CACNA1D: variants seen among roughly 807,000 people sequenced by gnomAD.
CACNA1D encodes the protein voltage-dependent L-type calcium channel subunit alpha-1D.
A neutral mutation model predicts 257.1 loss-of-function variants in CACNA1D; 55 were observed. The observed-to-expected ratio is 0.21, with a 90% CI of 0.17 to 0.27. CACNA1D has a LOEUF of 0.27. Ranked by LOEUF, CACNA1D falls within the 10% of genes least tolerant of loss-of-function variation. The pLI, the probability that CACNA1D is intolerant of heterozygous loss-of-function variation, is 1.00. For synonymous variants in CACNA1D, 980 were observed against 1,014.9 expected, an observed-to-expected ratio of 0.97 and a Z score of 0.65; for missense variants, 1,876 against 2,784.0, an observed-to-expected ratio of 0.67 and a Z score of 7.34.
Position 53,643,020 on chromosome 3 carries a change from T to A in CACNA1D, c.484-7759T>A, listed in dbSNP as rs2093978835. Among the ~76,000 whole-genome samples, 3 of 152,342 alleles carry A rather than the reference T, an allele frequency of 2.0e-5. No homozygotes were observed. The South Asian group carries it at 6.2e-4, about 32-fold the overall frequency. On this transcript the variant is annotated intron_variant, in intron 3 of 47. Transcript: ENST00000350061. ...GTGGGCAAGGCAAAGCAAGAATGAT[T>A]GTCCCTGTTTTATGGATGAAAGAAC...
At chr3:53,524,096 G>A (rs3774425) in intron 3 of CACNA1D, among the ~76,000 whole-genome samples, 44,124 of 152,182 alleles carry the variant, frequency 0.29, 6,520 homozygotes, top group African/African-American at 0.35. Flanking sequence ...AGCGACCTGA[G>A]GAAATGGAAT....
chr3:53,734,051 T>C (rs923627455), intron 19 of CACNA1D, among the ~76,000 whole-genome samples: 2 of 135,822 alleles, frequency 1.5e-5, no homozygotes, highest in African/African-American at 5.5e-5. Flanking sequence ...TATATATATG[T>C]TGAGGGAATG....
At position 53,774,689 on chromosome 3, in the gene CACNA1D, C is replaced by G. The variant is rs1325547477; in HGVS notation, c.4202+11C>G. 1 of 1,570,798 alleles carries G rather than the reference C, an allele frequency of 6.4e-7. No individual in the cohort carries two copies. The highest frequency in any genetic ancestry group is 1.7e-5 in the Admixed American group (1 of 59,980). On this transcript the variant is annotated intron_variant, in intron 34 of 47. Transcript: ENST00000350061. The surrounding 1 kb of genome is among the most constrained non-coding windows in gnomAD (Gnocchi z 4.3). ...GCTGCTGCTCTTCAGGTGACTGCAA[C>G]TGGCTTGGGCGGTGCTCCTGGGCAG...
chr3:53,709,466 G>T (rs765097941), intron 9 of CACNA1D, among the ~76,000 whole-genome samples: 1 of 152,196 alleles, frequency 6.6e-6, no homozygotes, highest in Non-Finnish European at 1.5e-5. Flanking sequence ...TCATGGTTTT[G>T]TGGGAGAGGA....
At chr3:53,753,080 A>C (rs1394880460) in intron 28 of CACNA1D, among the ~76,000 whole-genome samples, 1 of 152,214 alleles carries the variant, frequency 6.6e-6, no homozygotes, top group South Asian at 2.1e-4. Context: ...AAAGATAGGG[A>C]TAAATTTTCT....
chr3:53,695,814 G>C (rs897362850), intron 8 of CACNA1D, among the ~76,000 whole-genome samples: 1 of 152,114 alleles, frequency 6.6e-6, no homozygotes, highest in East Asian at 1.9e-4. Context: ...TTCATTTTCT[G>C]TTCACGCATA....
intron 4 of CACNA1D, among the ~76,000 whole-genome samples, chr3:53,658,110 C>T (rs2094166354): frequency 6.6e-6 from 1 of 152,130 alleles, no homozygotes; most frequent in African/African-American, 2.4e-5. Flanking sequence ...TTTTTTCTCC[C>T]ACCTTGGGGT....
At chr3:53,768,613 A>T (rs1021935869) in intron 30 of CACNA1D, among the ~76,000 whole-genome samples, 2 of 152,220 alleles carry the variant, frequency 1.3e-5, no homozygotes, top group Non-Finnish European at 2.9e-5. Context: ...CCTGTGGCAG[A>T]GTTCCCATTC....
intron 3 of CACNA1D, among the ~76,000 whole-genome samples, chr3:53,535,972 T>C (rs1484416506): frequency 6.6e-6 from 1 of 152,222 alleles, no homozygotes; most frequent in Non-Finnish European, 1.5e-5. Context: ...ATACTTAATA[T>C]GTGTTCAGTA....
chr3:53,772,704 C>T (rs2095372890), intron 32 of CACNA1D, 129 bp from the exon 33 acceptor site: 3 of 732,238 alleles, frequency 4.1e-6, no homozygotes, highest in South Asian at 3.0e-5. Context: ...TCCTCACTGT[C>T]GATATTCTTT....
chr3:53,590,759 G>A (rs1476491520), intron 3 of CACNA1D, among the ~76,000 whole-genome samples: 1 of 152,186 alleles, frequency 6.6e-6, no homozygotes, highest in African/African-American at 2.4e-5. Context: ...TGTAGAAGGT[G>A]ATCATGGTGC....
At chr3:53,518,487 GC>G (rs2091430206) in intron 3 of CACNA1D, among the ~76,000 whole-genome samples, 1 of 152,186 alleles carries the variant, frequency 6.6e-6, no homozygotes, top group Non-Finnish European at 1.5e-5. Context: ...GGAACAGAGT[GC>G]TGGAGGTAGA....
intron 3 of CACNA1D, among the ~76,000 whole-genome samples, chr3:53,607,387 C>T (rs1374278769): frequency 6.6e-6 from 1 of 152,216 alleles, no homozygotes; most frequent in African/African-American, 2.4e-5. Flanking sequence ...AGGGTTATCA[C>T]ATGGACCCTT....
intron 3 of CACNA1D, among the ~76,000 whole-genome samples, chr3:53,603,128 T>C (rs2093465876): frequency 6.6e-6 from 1 of 152,220 alleles, no homozygotes; most frequent in Non-Finnish European, 1.5e-5. Context: ...TGCTCTTCAT[T>C]TTGGTTTTGC....
chr3:53,705,228 G>C (rs2094674398), intron 9 of CACNA1D, among the ~76,000 whole-genome samples: 1 of 152,298 alleles, frequency 6.6e-6, no homozygotes, highest in Non-Finnish European at 1.5e-5. Context: ...GGCGATGTGA[G>C]GAAGGCTCCG....
intron 45 of CACNA1D, chr3:53,808,427 A>T (rs575169167): frequency 1.3e-4 from 73 of 558,490 alleles, no homozygotes; most frequent in African/African-American, 9.7e-4. Flanking sequence ...AAAAAAAAAA[A>T]AGTAGTAAGT....
intron 8 of CACNA1D, among the ~76,000 whole-genome samples, chr3:53,682,378 A>AAAAAAC (rs1559509208): frequency 1.4e-5 from 2 of 144,636 alleles, no homozygotes; most frequent in African/African-American, 5.2e-5. Context: ...AAAAAAAAAA[A>AAAAAAC]AAAAAAAAAA....
chr3:53,768,089 T>G (rs2095344988), intron 30 of CACNA1D, among the ~76,000 whole-genome samples: 1 of 152,248 alleles, frequency 6.6e-6, no homozygotes, highest in Non-Finnish European at 1.5e-5. Context: ...GATGTACACT[T>G]CGAAATTCAG....
At chr3:53,522,872 A>C (rs1370325468) in intron 3 of CACNA1D, among the ~76,000 whole-genome samples, 1 of 152,140 alleles carries the variant, frequency 6.6e-6, no homozygotes. Flanking sequence ...TATTTCTTCC[A>C]TCTAACTGTG....
Sources: gnomAD v4.1 joint callset for allele counts (sites outside exome capture counted in the v4.1 genomes callset) on GRCh38, gnomAD v4.1.1 for gene constraint, Gnocchi (gnomAD v3.1) non-coding constraint, MANE v1.5 for transcripts, NCBI Gene and HGNC (gene_info 2026-07-23, HGNC 2026-07-21) for gene names.